The following NEGR1 variants were observed in gnomAD, a reference collection of about 807,000 sequenced individuals.
NEGR1 encodes the protein IgLON family member 4.
NEGR1 carries 10 observed loss-of-function variants against 40.9 expected under a neutral mutation model. The observed-to-expected ratio is 0.24, with a 90% CI of 0.15 to 0.42. The LOEUF (loss-of-function observed/expected upper bound fraction) is 0.42, where lower values mean the gene tolerates loss of function less well. Ranked by LOEUF, NEGR1 falls within the 10% of genes least tolerant of loss-of-function variation. The pLI is 1.00. For synonymous variants in NEGR1, 185 were observed against 166.8 expected, an observed-to-expected ratio of 1.11 and a Z score of -0.84; for missense variants, 352 against 438.9, an observed-to-expected ratio of 0.80 and a Z score of 1.77.
At chr1:72,234,569 A>G (rs548865294) in intron 1 of NEGR1, among the ~76,000 whole-genome samples, 26 of 152,278 alleles carry the variant, frequency 1.7e-4, no homozygotes, top group Non-Finnish European at 3.4e-4. Context: ...TAAGGAACTT[A>G]AACAAATTGA....
intron 1 of NEGR1, among the ~76,000 whole-genome samples, chr1:72,158,020 C>G (rs1050683982): frequency 6.6e-6 from 1 of 152,082 alleles, no homozygotes; most frequent in Non-Finnish European, 1.5e-5. Context: ...GAAGATAGAG[C>G]CAGGGACTCC....
At chr1:71,639,724 A>G (rs1217580964) in intron 4 of NEGR1, among the ~76,000 whole-genome samples, 1 of 152,044 alleles carries the variant, frequency 6.6e-6, no homozygotes, top group Non-Finnish European at 1.5e-5. Context: ...AATGTGGTAT[A>G]GGCCCAACAT....
intron 6 of NEGR1, among the ~76,000 whole-genome samples, chr1:71,460,519 A>G (rs1646707282): frequency 6.6e-6 from 1 of 152,228 alleles, no homozygotes; most frequent in African/African-American, 2.4e-5. Context: ...CTTCTCAATT[A>G]TAAAACAAGG....
At chr1:71,750,498 G>A (rs1023787149) in intron 3 of NEGR1, among the ~76,000 whole-genome samples, 3 of 152,102 alleles carry the variant, frequency 2.0e-5, no homozygotes, top group Non-Finnish European at 4.4e-5. Flanking sequence ...CCACATGGCT[G>A]GGGAGGCCTC....
chr1:71,922,318 C>A (rs758623889), intron 2 of NEGR1, among the ~76,000 whole-genome samples: 2 of 152,142 alleles, frequency 1.3e-5, no homozygotes, highest in Non-Finnish European at 2.9e-5. Flanking sequence ...TGAACCCTGC[C>A]AGAAACTAAA....
intron 1 of NEGR1, among the ~76,000 whole-genome samples, chr1:72,141,319 T>TA (rs1445590659): frequency 6.6e-6 from 1 of 152,108 alleles, no homozygotes; most frequent in African/African-American, 2.4e-5. Flanking sequence ...TAAGAAATTA[T>TA]AAAAAATACA....
intron 1 of NEGR1, among the ~76,000 whole-genome samples, chr1:72,122,699 T>C (rs185304379): frequency 4.6e-4 from 70 of 151,968 alleles, no homozygotes; most frequent in African/African-American, 1.5e-3. Context: ...CTATGCAGGG[T>C]GGAGTGGTTA....
At chr1:71,888,105 G>T (rs1570469402) in intron 2 of NEGR1, among the ~76,000 whole-genome samples, 1 of 151,526 alleles carries the variant, frequency 6.6e-6, no homozygotes, top group African/African-American at 2.4e-5. Context: ...TCTTCAACTT[G>T]CCACTCTCCC....
At chr1:71,811,672 ATAAGCCTG>A in intron 2 of NEGR1, among the ~76,000 whole-genome samples, 1 of 151,058 alleles carries the variant, frequency 6.6e-6, no homozygotes, top group East Asian at 1.9e-4. Context: ...CAACTAGAAT[ATAAGCCTG>A]TTTTAGAGAA....
chr1:72,179,408 A>T (rs1214457779), intron 1 of NEGR1, among the ~76,000 whole-genome samples: 1 of 151,916 alleles, frequency 6.6e-6, no homozygotes, highest in Admixed American at 6.6e-5. Flanking sequence ...TGTTATTGAG[A>T]TTCTGCAGTT....
intron 3 of NEGR1, among the ~76,000 whole-genome samples, chr1:71,757,137 C>T (rs113715957): frequency 1.4e-4 from 22 of 152,074 alleles, no homozygotes; most frequent in East Asian, 9.7e-4. Flanking sequence ...CCTCTTTTGT[C>T]GAACTGTCAA....
intron 6 of NEGR1, chr1:71,421,621 T>A (rs1271313593): frequency 6.6e-6 from 1 of 152,060 alleles, no homozygotes; most frequent in Non-Finnish European, 1.5e-5. Context: ...TCACACTAAC[T>A]TCACTTATAT....
intron 4 of NEGR1, among the ~76,000 whole-genome samples, chr1:71,675,112 C>CATATATAT (rs1553157758): frequency 0.037 from 1,652 of 45,222 alleles, 173 homozygotes; most frequent in South Asian, 0.15. Flanking sequence ...CATGTTTATT[C>CATATATAT]ATATATATAT....
intron 6 of NEGR1, among the ~76,000 whole-genome samples, chr1:71,491,929 C>T (rs992297152): frequency 2.0e-5 from 3 of 151,976 alleles, no homozygotes; most frequent in African/African-American, 7.2e-5. Flanking sequence ...AAGGTAGAAC[C>T]TTTAGGAGGT....
chr1:71,554,347 A>T (rs1454464032), intron 6 of NEGR1, among the ~76,000 whole-genome samples: 2 of 151,338 alleles, frequency 1.3e-5, no homozygotes, highest in Non-Finnish European at 3.0e-5. Flanking sequence ...CTTTTTTTTT[A>T]GAATGGAATA....
intron 6 of NEGR1, among the ~76,000 whole-genome samples, chr1:71,539,891 T>A (rs1167854300): frequency 6.6e-6 from 1 of 151,766 alleles, no homozygotes; most frequent in Non-Finnish European, 1.5e-5. Context: ...AAAATAACTT[T>A]ATACTTATAT....
At chr1:71,534,010 TA>T (rs896268272) in intron 6 of NEGR1, among the ~76,000 whole-genome samples, 1 of 151,742 alleles carries the variant, frequency 6.6e-6, no homozygotes, top group African/African-American at 2.4e-5. Flanking sequence ...ATTAGATTCT[TA>T]AAACTTCACA....
intron 1 of NEGR1, among the ~76,000 whole-genome samples, chr1:71,940,231 T>A (rs1242299664): frequency 6.6e-6 from 1 of 152,154 alleles, no homozygotes; most frequent in Non-Finnish European, 1.5e-5. Flanking sequence ...AATGAAATAA[T>A]CTGAATAAAA....
In NEGR1 at chr1:71,492,399, AC is replaced by A. The variant is rs1328215386; in HGVS notation, c.941-84830del. 2.6e-5 allele frequency among the ~76,000 whole-genome samples: 4 copies of A among 152,184 alleles called. No homozygotes were observed. In the South Asian group the frequency reaches 6.2e-4, roughly 24 times the overall value. ...CATCAATTAAACGTTTATCAAAAAA[AC>A]ATAAAGACCTTTTCCCCATTCTCAT... On this transcript the variant is annotated intron_variant, in intron 6 of 6. Transcript: ENST00000357731.
Sources: gnomAD v4.1 joint callset for allele counts (sites outside exome capture counted in the v4.1 genomes callset) on GRCh38, gnomAD v4.1.1 for gene constraint, MANE v1.5 for transcripts, NCBI Gene and HGNC (gene_info 2026-07-23, HGNC 2026-07-21) for gene names.